CNTNAP5: variants seen among roughly 807,000 people sequenced by gnomAD.
CNTNAP5 encodes the protein contactin associated protein family member 5.
Under a neutral mutation model 150.2 loss-of-function variants are expected in CNTNAP5, and 72 were observed. The ratio of observed to expected loss-of-function variants is 0.48; its 90% confidence interval spans 0.40 to 0.58. CNTNAP5 has a LOEUF of 0.58. CNTNAP5 is among the 20% of genes least tolerant of loss of function. The pLI is 0.00. For missense variants in CNTNAP5, 1,636 were observed against 1,626.2 expected, an observed-to-expected ratio of 1.01 and a Z score of -0.10; for synonymous variants, 672 against 619.8, an observed-to-expected ratio of 1.08 and a Z score of -1.25.
chr2:124,334,254 C>T (rs1026929708), intron 3 of CNTNAP5, among the ~76,000 whole-genome samples: 23 of 152,024 alleles, frequency 1.5e-4, no homozygotes, highest in African/African-American at 5.6e-4. Flanking sequence ...ATCCACTGAC[C>T]ACCAAATGGA....
At chr2:124,085,940 C>T (rs78363350) in intron 1 of CNTNAP5, among the ~76,000 whole-genome samples, 7,034 of 152,120 alleles carry the variant, frequency 0.046, 232 homozygotes, top group South Asian at 0.11. Flanking sequence ...GACATACATT[C>T]AATGAAAACT....
intron 1 of CNTNAP5, among the ~76,000 whole-genome samples, chr2:124,044,117 C>T (rs1443972589): frequency 6.6e-6 from 1 of 152,172 alleles, no homozygotes; most frequent in Non-Finnish European, 1.5e-5. Context: ...CATTGAACTG[C>T]AATCAATGAG....
chr2:124,274,681 G>A (rs535035214), intron 3 of CNTNAP5, among the ~76,000 whole-genome samples: 57 of 152,164 alleles, frequency 3.7e-4, no homozygotes, highest in African/African-American at 1.3e-3. Flanking sequence ...TACAACCCAC[G>A]TAAACAAAAT....
At chr2:124,263,940 C>T (rs1412279876) in intron 3 of CNTNAP5, among the ~76,000 whole-genome samples, 6 of 152,076 alleles carry the variant, frequency 3.9e-5, no homozygotes, top group Non-Finnish European at 7.4e-5. Flanking sequence ...TCAGGTTTGT[C>T]AAAGATCTGA....
At chr2:124,519,274 G>T (rs985763670) in intron 8 of CNTNAP5, among the ~76,000 whole-genome samples, 1 of 152,072 alleles carries the variant, frequency 6.6e-6, no homozygotes, top group Non-Finnish European at 1.5e-5. Flanking sequence ...TGATTGTAGT[G>T]ATTGTATAAC....
At chr2:124,374,587 A>G (rs1458522054) in intron 3 of CNTNAP5, among the ~76,000 whole-genome samples, 1 of 152,182 alleles carries the variant, frequency 6.6e-6, no homozygotes, top group Admixed American at 6.6e-5. Context: ...AAAGTATTCT[A>G]GGCAAAGGTT....
At chr2:124,154,552 A>T (rs1573796531) in intron 1 of CNTNAP5, among the ~76,000 whole-genome samples, 2 of 152,042 alleles carry the variant, frequency 1.3e-5, no homozygotes, top group African/African-American at 2.4e-5. Context: ...ATTATCCTGC[A>T]CTCTGTCCTG....
intron 14 of CNTNAP5, among the ~76,000 whole-genome samples, chr2:124,751,880 T>C (rs1425323356): frequency 6.6e-6 from 1 of 152,242 alleles, no homozygotes; most frequent in African/African-American, 2.4e-5. Flanking sequence ...CTGTACCTCA[T>C]ATTAACATCT....
At chr2:124,633,936 A>G (rs1677919399) in intron 12 of CNTNAP5, among the ~76,000 whole-genome samples, 1 of 152,154 alleles carries the variant, frequency 6.6e-6, no homozygotes, top group Non-Finnish European at 1.5e-5. Context: ...GCTAAGATGC[A>G]GGGAGCAATG....
intron 16 of CNTNAP5, among the ~76,000 whole-genome samples, chr2:124,764,487 A>G (rs1168810861): frequency 6.6e-6 from 1 of 152,172 alleles, no homozygotes. Flanking sequence ...AAAGAGGATT[A>G]TTATGCATTC....
In CNTNAP5 at chr2:124,906,756, TTCTA is replaced by T. The variant is rs545713539; in HGVS notation, c.3655+3665_3655+3668del. On this transcript the variant is annotated intron_variant, in intron 22 of 23. Coordinates refer to ENST00000682447, the MANE Select transcript of CNTNAP5 (RefSeq NM_001367498.1). ...TAACCTGAGTAGGATATTTAAATAT[TTCTA>T]TCTATCTACTCTTCCAGCAATGTAT... 2.5e-3 allele frequency among the ~76,000 whole-genome samples: 386 copies of T among 152,272 alleles called. 2 individuals are homozygous for T. Among genetic ancestry groups the T allele is most frequent in the African/African-American group, 8.8e-3 (367 of 41,568 alleles).
intron 3 of CNTNAP5, among the ~76,000 whole-genome samples, chr2:124,316,533 C>T (rs1473405784): frequency 2.6e-5 from 4 of 151,950 alleles, no homozygotes; most frequent in Non-Finnish European, 2.9e-5. Flanking sequence ...CAGCCGGGCA[C>T]GGTGGCTCAC....
chr2:124,513,348 T>C (rs1365008631), intron 8 of CNTNAP5, among the ~76,000 whole-genome samples: 1 of 152,216 alleles, frequency 6.6e-6, no homozygotes. Context: ...AAAGATCCTG[T>C]CTCCAAATAC....
chr2:124,564,724 G>T (rs1435792019), intron 11 of CNTNAP5, among the ~76,000 whole-genome samples: 3 of 152,184 alleles, frequency 2.0e-5, no homozygotes, highest in Non-Finnish European at 2.9e-5. Context: ...AAAAAGTATA[G>T]AAAGTTTGCC....
chr2:124,830,167 C>T (rs1385222896), intron 19 of CNTNAP5, among the ~76,000 whole-genome samples: 1 of 151,724 alleles, frequency 6.6e-6, no homozygotes. Context: ...ATCAAAAAGA[C>T]TTAATTTAGA....
intron 17 of CNTNAP5, among the ~76,000 whole-genome samples, chr2:124,788,361 T>A (rs1411314438): frequency 6.6e-6 from 1 of 152,146 alleles, no homozygotes; most frequent in African/African-American, 2.4e-5. Context: ...TCAAGATATA[T>A]CCTCAGCAGA....
chr2:124,148,449 G>C (rs1036408632), intron 1 of CNTNAP5, among the ~76,000 whole-genome samples: 21 of 148,604 alleles, frequency 1.4e-4, no homozygotes, highest in Non-Finnish European at 2.8e-4. Flanking sequence ...GTATCGTCAT[G>C]TTTCTAAACT....
At chr2:124,161,954 T>C (rs1684690827) in intron 1 of CNTNAP5, among the ~76,000 whole-genome samples, 1 of 152,052 alleles carries the variant, frequency 6.6e-6, no homozygotes, top group African/African-American at 2.4e-5. Flanking sequence ...ACTTCAAGAG[T>C]TGAGAAAACA....
chr2:124,182,341 T>C (rs1033187388), intron 1 of CNTNAP5, among the ~76,000 whole-genome samples: 1 of 152,110 alleles, frequency 6.6e-6, no homozygotes, highest in Admixed American at 6.6e-5. Context: ...AATATAATGC[T>C]AGGTGAATTT....
Sources: allele counts gnomAD v4.1 joint callset (sites outside exome capture counted in the v4.1 genomes callset), GRCh38; gene constraint gnomAD v4.1.1; transcripts MANE v1.5; gene names NCBI Gene and HGNC (gene_info 2026-07-23, HGNC 2026-07-21).